Variants in MYOM2 observed in about 807,000 individuals in gnomAD.
The protein encoded by MYOM2 is myomesin-2.
MYOM2 carries 254 observed loss-of-function variants against 187.6 expected under a neutral mutation model. The observed-to-expected ratio is 1.35, with a 90% CI of 1.22 to 1.50. The LOEUF is 1.50. Ranked by LOEUF, MYOM2 falls within the 40% of genes most tolerant of loss-of-function variation. MYOM2 has a pLI of 0.00. For missense variants in MYOM2, 2,796 were observed against 1,924.0 expected (o/e 1.45, Z -8.48); for synonymous variants, 981 against 753.8 (o/e 1.30, Z -4.94).
At chr8:2,143,193 A>T (rs1798337381) in intron 35 of MYOM2, among the ~76,000 whole-genome samples, 1 of 151,954 alleles carries the variant, frequency 6.6e-6, no homozygotes, top group African/African-American at 2.4e-5. Context: ...ACCCCTTCAC[A>T]GAGTCTGTTA....
chr8:2,052,737 T>C (rs1334149067), intron 3 of MYOM2, among the ~76,000 whole-genome samples: 1 of 152,194 alleles, frequency 6.6e-6, no homozygotes, highest in Admixed American at 6.5e-5. Flanking sequence ...AATTCTGAAT[T>C]TCCACTTGCA....
chr8:2,069,029 G>A (rs558155694), intron 6 of MYOM2, among the ~76,000 whole-genome samples: 22 of 152,318 alleles, frequency 1.4e-4, no homozygotes, highest in African/African-American at 5.1e-4. Context: ...AGGAGTGCCA[G>A]TACCTTTTTA....
At chr8:2,086,441 CCCTACTGTCGTGATCTCCACGTGGCCACA>C (rs1249701370) in intron 14 of MYOM2, among the ~76,000 whole-genome samples, 1 of 139,818 alleles carries the variant, frequency 7.2e-6, no homozygotes, top group African/African-American at 2.8e-5. Context: ...CTGCGTGGCC[CCCTACTGTCGTGATCTCCACGTGGCCACA>C]CACTGTCATG....
chr8:2,086,973 A>G (rs1247646333), intron 14 of MYOM2, among the ~76,000 whole-genome samples: 2 of 152,234 alleles, frequency 1.3e-5, no homozygotes, highest in African/African-American at 4.8e-5. Flanking sequence ...AAGAAATACA[A>G]AAGACGTTGT....
intron 23 of MYOM2, 133 bp downstream of exon 23, chr8:2,106,730 T>C (rs1796907499): frequency 3.2e-6 from 2 of 631,554 alleles, no homozygotes; most frequent in Non-Finnish European, 5.4e-6. Context: ...GGGGGCTATG[T>C]ATATAAGCCA....
rs75206075 is a variant in MYOM2 at position 2,137,282 on chromosome 8, C to T, written c.3801-3441C>T. ...GTGATGAGCTCACACAGGGTGGCAG[C>T]GATTGTTGCGTCCTCTTGGTGAGAC... is the stretch of plus-strand genomic sequence containing the variant. On this transcript the variant is annotated intron_variant, in intron 32 of 36. Coordinates refer to ENST00000262113, the MANE Select transcript of MYOM2 (RefSeq NM_003970.4). Among the ~76,000 whole-genome samples, 467 of 151,968 alleles carry T rather than the reference C, an allele frequency of 3.1e-3. 2 individuals carry two copies. Among genetic ancestry groups the T allele is most frequent in the Middle Eastern group, 0.01 (3 of 294 alleles).
At position 2,116,081 on chromosome 8, in the gene MYOM2, C is replaced by T. The variant is rs182007879; in HGVS notation, c.3302C>T (p.Ser1101Phe). ...QIHDGKAKSQ[S>F]SLVLIGDAFK... ...CATGATGGGAAAGCCAAAAGTCAGT[C>T]TTCTCTAGTTCTTATTGGAGATGGT... Residue 1101 changes from serine to phenylalanine, a missense_variant, in exon 26 of 37, where the codon TCT becomes TTT. Coordinates refer to ENST00000262113, the MANE Select transcript of MYOM2 (RefSeq NM_003970.4). 1 of 1,613,432 alleles carries T rather than the reference C, an allele frequency of 6.2e-7. No individual in the cohort carries two copies.
intron 6 of MYOM2, among the ~76,000 whole-genome samples, chr8:2,068,478 G>GGCAGCTCTTCAATGCCCGTGT (rs2129333074): frequency 6.7e-6 from 1 of 148,712 alleles, no homozygotes; most frequent in Non-Finnish European, 1.5e-5. Flanking sequence ...GCATCCCGTG[G>GGCAGCTCTTCAATGCCCGTGT]GCAGCTCTTC....
chr8:2,055,952 C>T (rs955460180), intron 3 of MYOM2, among the ~76,000 whole-genome samples: 1 of 152,174 alleles, frequency 6.6e-6, no homozygotes, highest in African/African-American at 2.4e-5. Context: ...GCTCGGCCAC[C>T]TTTCCCTCCA....
In MYOM2 at chr8:2,078,531, A is replaced by G. The variant is rs191587400; in HGVS notation, c.1263-203A>G. On this transcript the variant is annotated intron_variant, in intron 11 of 36. Transcript: ENST00000262113. ...ATATTACATATATAATAGATATTAC[A>G]TATAATATATATATTGCATTTTCTA... 3.5e-4 allele frequency among the ~76,000 whole-genome samples: 53 copies of G among 152,174 alleles called. No individual in the cohort carries two copies. The East Asian group carries it at 3.7e-3, about 11-fold the overall frequency.
At chr8:2,097,156 A>G in intron 18 of MYOM2, 3 of 959,356 alleles carry the variant, frequency 3.1e-6, no homozygotes, top group Non-Finnish European at 2.5e-6. Flanking sequence ...GTAAGGCCTT[A>G]GAAGATCTAA....
In MYOM2 at chr8:2,050,739, G is replaced by A; in HGVS notation, c.-12-16G>A. On this transcript the variant is annotated splice_polypyrimidine_tract_variant and intron_variant, in intron 1 of 36. Transcript: ENST00000262113. ...CTTGCGAGGGAGCTCAGTGTTGTGT[G>A]TGACTCTCTTTGTAGGAGCACGCCA... 1 of 1,505,684 alleles carries A rather than the reference G, an allele frequency of 6.6e-7. No individual in the cohort carries two copies. Among genetic ancestry groups the A allele is most frequent in the Non-Finnish European group, 9.2e-7 (1 of 1,082,578 alleles). 93.3% of individuals were successfully genotyped at this position (1,505,684 alleles called of 1,614,324 possible). A position where few individuals can be genotyped will look rare whatever the true frequency, so the allele number is the denominator to read the frequency against.
chr8:2,062,666 C>G (rs1165811468), intron 6 of MYOM2, among the ~76,000 whole-genome samples: 1 of 151,952 alleles, frequency 6.6e-6, no homozygotes, highest in South Asian at 2.1e-4. Flanking sequence ...TTTAATAGAC[C>G]GTAGGCCGTC....
Position 2,069,271 on chromosome 8 carries a change from C to T in MYOM2, c.654-7C>T, listed in dbSNP as rs1392549201. On this transcript the variant is annotated splice_region_variant and splice_polypyrimidine_tract_variant and intron_variant, in intron 6 of 36. Coordinates refer to ENST00000262113, the MANE Select transcript of MYOM2 (RefSeq NM_003970.4). ...CGCAGACTTTCTCTTGTTTTTTTCT[C>T]TCCAAGGGCAGACTTTGACGACACT... 3.1e-6 allele frequency: 5 copies of T among 1,607,876 alleles called. No homozygotes were observed. The highest frequency in any genetic ancestry group is 4.2e-6 in the Non-Finnish European group (5 of 1,176,696).
chr8:2,142,506 C>T, intron 35 of MYOM2, 109 bp downstream of exon 35: 2 of 1,114,990 alleles, frequency 1.8e-6, no homozygotes, highest in Non-Finnish European at 2.8e-6. Flanking sequence ...CCAGCAATCC[C>T]CCACCCTGAT....
intron 8 of MYOM2, among the ~76,000 whole-genome samples, chr8:2,071,345 G>GT (rs1013170595): frequency 2.3e-4 from 35 of 150,854 alleles, no homozygotes; most frequent in African/African-American, 6.8e-4. Context: ...AAACCATACA[G>GT]TTTTTTTTTG....
chr8:2,124,082 C>A, intron 30 of MYOM2, 97 bp from the exon 31 acceptor site: 1 of 1,210,996 alleles, frequency 8.3e-7, no homozygotes, highest in Non-Finnish European at 1.2e-6. Flanking sequence ...TTCAACTGAA[C>A]ATCACAATTT....
At chr8:2,085,445 T>A in intron 14 of MYOM2, 55 bp downstream of exon 14, 2 of 1,591,820 alleles carry the variant, frequency 1.3e-6, no homozygotes, top group Non-Finnish European at 1.7e-6. Context: ...CCCCCCACTG[T>A]CATGATCTCT....
chr8:2,078,202 C>T (rs193268304), intron 11 of MYOM2, among the ~76,000 whole-genome samples: 141 of 152,288 alleles, frequency 9.3e-4, no homozygotes, highest in Admixed American at 3.5e-3. Context: ...ACATGAGAGG[C>T]ATTCTAGAAA....
Sources: allele counts gnomAD v4.1 joint callset (sites outside exome capture counted in the v4.1 genomes callset), GRCh38; gene constraint gnomAD v4.1.1; transcripts MANE v1.5; gene names NCBI Gene and HGNC (gene_info 2026-07-23, HGNC 2026-07-21).